DAB2IP: variants seen among roughly 807,000 people sequenced by gnomAD.
DAB2IP encodes the protein DAB2 interacting protein, also known as disabled homolog 2-interacting protein.
Under a neutral mutation model 107.2 loss-of-function variants are expected in DAB2IP, and 28 were observed. That is an observed-to-expected ratio of 0.26 (90% CI 0.19 to 0.36). DAB2IP has a LOEUF of 0.36. DAB2IP is among the 10% of genes least tolerant of loss of function. The pLI, the probability that DAB2IP is intolerant of heterozygous loss-of-function variation, is 1.00. For missense variants in DAB2IP, 1,400 were observed against 1,644.7 expected, an observed-to-expected ratio of 0.85 and a Z score of 2.57; for synonymous variants, 755 against 706.4, an observed-to-expected ratio of 1.07 and a Z score of -1.09.
Position 121,782,926 on chromosome 9 carries a change from C to T in DAB2IP, c.*428C>T. The T allele has an allele frequency of 9.8e-7, 1 of 1,022,066 alleles. No individual in the cohort carries two copies. The highest frequency in any genetic ancestry group is 1.2e-6 in the Non-Finnish European group (1 of 852,434). 63.3% of individuals were successfully genotyped at this position (1,022,066 alleles called of 1,614,324 possible). A position where few individuals can be genotyped will look rare whatever the true frequency, so the allele number is the denominator to read the frequency against. ...GGCCTACACCTGTGGCTTCCCCTCG[C>T]CTCCTTGGGGGGCCCGGGACTCCCT... On this transcript the variant is annotated 3_prime_UTR_variant, in exon 16 of 16. Coordinates refer to ENST00000408936, the Ensembl canonical transcript of DAB2IP. The surrounding 1 kb of genome is among the most constrained non-coding windows in gnomAD (Gnocchi z 6.1).
chr9:121,679,153 T>G (rs949768951), intron 2 of DAB2IP, among the ~76,000 whole-genome samples: 2 of 152,174 alleles, frequency 1.3e-5, no homozygotes, highest in South Asian at 4.2e-4. Context: ...TGCACTATTT[T>G]TGTTTCCATA....
At chr9:121,761,147 C>T (rs2118972682) in intron 6 of DAB2IP, among the ~76,000 whole-genome samples, 1 of 152,340 alleles carries the variant, frequency 6.6e-6, no homozygotes, top group Non-Finnish European at 1.5e-5. Context: ...CCCCACCTAC[C>T]CGGTTTGGGG....
In DAB2IP at chr9:121,654,636, A is replaced by G. The variant is rs1832900937; in HGVS notation, c.124+2737A>G. ...ACTCTACCCCAGAGCCACAACCACCACCTGAGGGCAGGGCCCCACCCAGGG... is the reference window on the plus strand; with the variant it reads ...ACTCTACCCCAGAGCCACAACCACCGCCTGAGGGCAGGGCCCCACCCAGGG... On this transcript the variant is annotated intron_variant, in intron 1 of 15. Transcript: ENST00000408936. Among the ~76,000 whole-genome samples, 3 of 152,116 alleles carry G rather than the reference A, an allele frequency of 2.0e-5. No homozygotes were observed. The South Asian group carries it at 6.2e-4, about 32-fold the overall frequency.
intron 1 of DAB2IP, among the ~76,000 whole-genome samples, chr9:121,678,477 T>C (rs1206054805): frequency 2.6e-5 from 4 of 152,246 alleles, no homozygotes; most frequent in African/African-American, 7.2e-5. Context: ...TTTTGGGTTA[T>C]ACCCAGGAGT....
At chr9:121,751,503 C>T (rs1485328699) in intron 3 of DAB2IP, 2 of 152,622 alleles carry the variant, frequency 1.3e-5, no homozygotes, top group Non-Finnish European at 2.9e-5. Context: ...CCCTTGAAAA[C>T]TGAGGAAGGA....
chr9:121,570,353 A>T (rs1829910444), intron 1 of DAB2IP, among the ~76,000 whole-genome samples: 1 of 151,696 alleles, frequency 6.6e-6, no homozygotes, highest in Admixed American at 6.6e-5. Context: ...AGCTCAAGTG[A>T]TCCACCTGCC....
chr9:121,692,628 G>A (rs1172238853), intron 2 of DAB2IP, among the ~76,000 whole-genome samples: 3 of 152,188 alleles, frequency 2.0e-5, no homozygotes, highest in Non-Finnish European at 4.4e-5. Flanking sequence ...AATATGTGGC[G>A]ATCTCACTGG....
chr9:121,661,981 GA>G (rs932997732), intron 1 of DAB2IP, among the ~76,000 whole-genome samples: 168 of 137,138 alleles, frequency 1.2e-3, no homozygotes, highest in Non-Finnish European at 1.9e-3. Flanking sequence ...ACCCTGTCTC[GA>G]AAAAAAAAAA....
chr9:121,763,396 G>A, intron 6 of DAB2IP, 109 bp from the exon 7 acceptor site: 1 of 1,449,086 alleles, frequency 6.9e-7, no homozygotes, highest in Admixed American at 2.2e-5. Context: ...GCAGCTTGGT[G>A]ATGGAACAGC....
chr9:121,604,958 C>T (rs184781120), intron 1 of DAB2IP, among the ~76,000 whole-genome samples: 2 of 152,220 alleles, frequency 1.3e-5, no homozygotes, highest in African/African-American at 2.4e-5. Flanking sequence ...TAGCAAGGGA[C>T]AGAAGAGAGA....
chr9:121,732,383 G>A (rs1831595712), intron 3 of DAB2IP, among the ~76,000 whole-genome samples: 1 of 152,208 alleles, frequency 6.6e-6, no homozygotes. Context: ...AAGGTTCCAG[G>A]ATTCTCTGCC....
At chr9:121,668,400 G>A (rs1438404767) in intron 1 of DAB2IP, among the ~76,000 whole-genome samples, 1 of 151,934 alleles carries the variant, frequency 6.6e-6, no homozygotes, top group Admixed American at 6.6e-5. Flanking sequence ...ACCACACCTG[G>A]CTAAATTTTT....
At chr9:121,761,810 A>G (rs909607868) in intron 6 of DAB2IP, among the ~76,000 whole-genome samples, 2 of 152,162 alleles carry the variant, frequency 1.3e-5, no homozygotes, top group Admixed American at 1.3e-4. Context: ...GGGAAACGGA[A>G]TGAATCAAGG....
At chr9:121,726,337 C>A (rs1168269071) in intron 3 of DAB2IP, among the ~76,000 whole-genome samples, 2 of 152,176 alleles carry the variant, frequency 1.3e-5, no homozygotes, top group African/African-American at 4.8e-5. Context: ...AGCTCCACGC[C>A]CCTGCCCACA....
At chr9:121,574,410 G>C (rs950936914) in intron 1 of DAB2IP, among the ~76,000 whole-genome samples, 3 of 152,102 alleles carry the variant, frequency 2.0e-5, no homozygotes, top group Admixed American at 6.5e-5. Context: ...CGAGGGCTCT[G>C]TCCTAGACCA....
chr9:121,772,404 G>T lies in DAB2IP; in HGVS notation c.2079-203G>T, dbSNP rs1834827897. ...GTGCAGTGCTGGCCCCTAAAGAAGA[G>T]GTTCTGTGCAGGAGCAGCCGCCTCA... is the stretch of plus-strand genomic sequence containing the variant. On this transcript the variant is annotated intron_variant, in intron 11 of 15. Transcript: ENST00000408936. The surrounding 1 kb of genome is among the most constrained non-coding windows in gnomAD (Gnocchi z 4.7). Among the ~76,000 whole-genome samples, 1 of 152,150 alleles carries T rather than the reference G, an allele frequency of 6.6e-6. No individual in the cohort carries two copies.
exon 15 of DAB2IP, chr9:121,781,464 G>T: frequency 6.2e-7 from 1 of 1,613,966 alleles, no homozygotes; most frequent in Non-Finnish European, 8.5e-7. Context: ...CTGGCTATAG[G>T]TTGATGTCCG....
intron 1 of DAB2IP, among the ~76,000 whole-genome samples, chr9:121,605,739 C>T (rs1243854363): frequency 1.3e-5 from 2 of 152,168 alleles, no homozygotes; most frequent in Non-Finnish European, 2.9e-5. Context: ...CTCCTAGGCT[C>T]AAGCAATCCT....
In DAB2IP at chr9:121,698,811, G is replaced by A. The variant is rs1466921737; in HGVS notation, c.229-514G>A. ...GGCTGGAGAGCAGCGACCTCGCAGC[G>A]GAGGAAGGCGCTTTGTCAATCCCCG... On this transcript the variant is annotated intron_variant, in intron 2 of 15. Transcript: ENST00000408936. The surrounding 1 kb of genome is among the most constrained non-coding windows in gnomAD (Gnocchi z 4.1). Among the ~76,000 whole-genome samples the A allele has an allele frequency of 6.6e-6, 1 of 152,196 alleles. No homozygotes were observed. Among genetic ancestry groups the A allele is most frequent in the African/African-American group, 2.4e-5 (1 of 41,464 alleles).
Sources: allele counts gnomAD v4.1 joint callset (sites outside exome capture counted in the v4.1 genomes callset), GRCh38; gene constraint gnomAD v4.1.1; non-coding constraint Gnocchi (gnomAD v3.1); transcripts MANE v1.5; gene names NCBI Gene and HGNC (gene_info 2026-07-23, HGNC 2026-07-21).